The following CACNB2 variants were observed in gnomAD, a reference collection of about 807,000 sequenced individuals.
The protein encoded by CACNB2 is voltage-dependent L-type calcium channel subunit beta-2.
CACNB2 carries 42 observed loss-of-function variants against 73.3 expected under a neutral mutation model. The observed-to-expected ratio is 0.57, with a 90% CI of 0.45 to 0.74. The LOEUF (loss-of-function observed/expected upper bound fraction) is 0.74, where lower values mean the gene tolerates loss of function less well. CACNB2 is among the 30% of genes least tolerant of loss of function. The pLI is 0.00. For missense variants in CACNB2, 940 were observed against 853.0 expected (o/e 1.10, Z -1.27); for synonymous variants, 348 against 310.3 (o/e 1.12, Z -1.28).
At chr10:18,413,377 C>T (rs866082681) in intron 3 of CACNB2, among the ~76,000 whole-genome samples, 1 of 152,206 alleles carries the variant, frequency 6.6e-6, no homozygotes, top group African/African-American at 2.4e-5. Flanking sequence ...TCTATTCTCT[C>T]ATACTTCTCC....
Position 18,388,814 on chromosome 10 carries a change from T to C in CACNB2, c.214-13110T>C, listed in dbSNP as rs558829867. Among the ~76,000 whole-genome samples, 744 of 152,080 alleles carry C rather than the reference T, an allele frequency of 4.9e-3. 7 individuals carry two copies. The highest frequency in any genetic ancestry group is 0.017 in the African/African-American group (719 of 41,544). ...ATTTTATGTCTAAGTACTTTTCTTT[T>C]AATTATTTTCTTGCCTGTCATAATT... On this transcript the variant is annotated intron_variant, in intron 2 of 13. Coordinates refer to ENST00000324631, the MANE Select transcript of CACNB2 (RefSeq NM_201596.3).
intron 2 of CACNB2, among the ~76,000 whole-genome samples, chr10:18,245,209 C>T (rs773946678): frequency 2.6e-5 from 4 of 152,110 alleles, no homozygotes; most frequent in Non-Finnish European, 5.9e-5. Context: ...ATAGCAAACA[C>T]ATACAGGCAC....
At chr10:18,311,379 A>C (rs1041150863) in intron 2 of CACNB2, among the ~76,000 whole-genome samples, 2 of 152,106 alleles carry the variant, frequency 1.3e-5, no homozygotes, top group African/African-American at 2.4e-5. Context: ...GATAGGTAGG[A>C]GTATAGACAA....
rs188437524 is a variant in CACNB2, at chr10:18,470,475, T to C, written c.334-27880T>C. Among the ~76,000 whole-genome samples, 19 of 150,718 alleles carry C rather than the reference T, an allele frequency of 1.3e-4. No homozygotes were observed. The East Asian group carries it at 3.7e-3, about 29-fold the overall frequency. Reference sequence around the variant, plus strand: ...ATATAGAGACTGATATACTGTATTGTATATATTACATATGATATACTGGAT... The same window carrying C: ...ATATAGAGACTGATATACTGTATTGCATATATTACATATGATATACTGGAT... On this transcript the variant is annotated intron_variant, in intron 3 of 13. Coordinates refer to ENST00000324631, the MANE Select transcript of CACNB2 (RefSeq NM_201596.3).
chr10:18,420,276 T>A (rs1273900330), intron 3 of CACNB2, among the ~76,000 whole-genome samples: 1 of 151,850 alleles, frequency 6.6e-6, no homozygotes, highest in Non-Finnish European at 1.5e-5. Flanking sequence ...TAGTCTGGGT[T>A]CTCCAGATAA....
intron 3 of CACNB2, among the ~76,000 whole-genome samples, chr10:18,430,637 C>T (rs370014848): frequency 1.4e-4 from 22 of 152,140 alleles, no homozygotes; most frequent in African/African-American, 5.1e-4. Context: ...CTCAATCGAT[C>T]AGTCAATCAG....
intron 2 of CACNB2, among the ~76,000 whole-genome samples, chr10:18,325,675 T>TTCCCTCCCTCCC (rs200163707): frequency 1.0e-5 from 1 of 97,532 alleles, no homozygotes; most frequent in African/African-American, 4.2e-5. Context: ...TTCTTTCTCT[T>TTCCCTCCCTCCC]TCCCTCCCTC....
At chr10:18,215,195 G>A (rs1431052356) in intron 2 of CACNB2, among the ~76,000 whole-genome samples, 3 of 148,730 alleles carry the variant, frequency 2.0e-5, no homozygotes, top group African/African-American at 7.9e-5. Context: ...TCTGAATGAA[G>A]ACAGTGTGTT....
intron 7 of CACNB2, among the ~76,000 whole-genome samples, chr10:18,516,691 T>C (rs2051314164): frequency 6.6e-6 from 1 of 152,236 alleles, no homozygotes; most frequent in Non-Finnish European, 1.5e-5. Flanking sequence ...TTAACATCAA[T>C]GTAGAATTCA....
rs148580632 is a variant in CACNB2 at position 18,266,747 on chromosome 10, G to A, written c.213+115772G>A. Among the ~76,000 whole-genome samples, 635 of 152,218 alleles carry A rather than the reference G, an allele frequency of 4.2e-3. 2 individuals carry two copies. Among genetic ancestry groups the A allele is most frequent in the African/African-American group, 0.014 (600 of 41,540 alleles). On this transcript the variant is annotated intron_variant, in intron 2 of 13. Transcript: ENST00000324631. ...CTACTAAAAATACAAGAACTTAGCCGTGCGTGGTGGTGCATGCCTGTAATC... is the reference window on the plus strand; with the variant it reads ...CTACTAAAAATACAAGAACTTAGCCATGCGTGGTGGTGCATGCCTGTAATC...
At chr10:18,343,343 TG>T (rs1478323003) in intron 2 of CACNB2, among the ~76,000 whole-genome samples, 2 of 152,162 alleles carry the variant, frequency 1.3e-5, no homozygotes, top group Non-Finnish European at 2.9e-5. Flanking sequence ...CCGTAATTTT[TG>T]TTTTTTCTGA....
At chr10:18,199,316 A>G (rs971502347) in intron 2 of CACNB2, among the ~76,000 whole-genome samples, 1 of 152,228 alleles carries the variant, frequency 6.6e-6, no homozygotes, top group African/African-American at 2.4e-5. Flanking sequence ...CAATAAACAA[A>G]TTAATATTTA....
intron 2 of CACNB2, among the ~76,000 whole-genome samples, chr10:18,270,880 A>AGACGTAAT (rs1448427947): frequency 6.6e-6 from 1 of 152,186 alleles, no homozygotes; most frequent in African/African-American, 2.4e-5. Flanking sequence ...CAGACACTCA[A>AGACGTAAT]GACGTAATGG....
intron 2 of CACNB2, among the ~76,000 whole-genome samples, chr10:18,335,507 T>C (rs2132039345): frequency 6.6e-6 from 1 of 152,280 alleles, no homozygotes; most frequent in South Asian, 2.1e-4. Context: ...GGCATGAGGA[T>C]TGCTTGAACC....
chr10:18,243,101 A>G (rs576451235), intron 2 of CACNB2, among the ~76,000 whole-genome samples: 1 of 152,254 alleles, frequency 6.6e-6, no homozygotes, highest in East Asian at 1.9e-4. Flanking sequence ...CTAAGTTGTC[A>G]ATATTGTTAT....
chr10:18,395,623 A>G lies in CACNB2; in HGVS notation c.214-6301A>G, dbSNP rs75911153. ...TTGTTAAATAAAATTTAATCTCTTCATTAGTACATCCTATAGCTATATGTT... is the reference window on the plus strand; with the variant it reads ...TTGTTAAATAAAATTTAATCTCTTCGTTAGTACATCCTATAGCTATATGTT... On this transcript the variant is annotated intron_variant, in intron 2 of 13. Coordinates refer to ENST00000324631, the MANE Select transcript of CACNB2 (RefSeq NM_201596.3). Among the ~76,000 whole-genome samples the G allele has an allele frequency of 7.5e-3, 1,138 of 152,294 alleles. 19 individuals are homozygous for G. Among genetic ancestry groups the G allele is most frequent in the African/African-American group, 0.024 (1,010 of 41,546 alleles).
At chr10:18,476,670 G>T (rs1016096718) in intron 3 of CACNB2, among the ~76,000 whole-genome samples, 4 of 152,096 alleles carry the variant, frequency 2.6e-5, no homozygotes, top group African/African-American at 9.7e-5. Context: ...TGAAAACTTG[G>T]CCCCAGACCA....
intron 2 of CACNB2, among the ~76,000 whole-genome samples, chr10:18,243,086 A>T (rs2036727371): frequency 6.6e-6 from 1 of 152,068 alleles, no homozygotes; most frequent in Admixed American, 6.6e-5. Context: ...TTTATTTGAT[A>T]CTTTCTAAGT....
At chr10:18,186,145 C>T (rs1277574157) in intron 2 of CACNB2, among the ~76,000 whole-genome samples, 2 of 152,078 alleles carry the variant, frequency 1.3e-5, no homozygotes, top group Admixed American at 6.6e-5. Context: ...TGAGGCCAGG[C>T]ATGGTAGCGC....
Sources: allele counts gnomAD v4.1 joint callset (sites outside exome capture counted in the v4.1 genomes callset), GRCh38; gene constraint gnomAD v4.1.1; transcripts MANE v1.5; gene names NCBI Gene and HGNC (gene_info 2026-07-23, HGNC 2026-07-21).